Variants in ME3 observed in about 807,000 individuals in gnomAD.
ME3 encodes the protein NADP-dependent malic enzyme, mitochondrial.
Under a neutral mutation model 68.9 loss-of-function variants are expected in ME3, and 48 were observed. The ratio of observed to expected loss-of-function variants is 0.70; its 90% CI spans 0.55 to 0.89. The LOEUF is 0.89. Among genes scored for constraint, ME3 ranks in the 40% least tolerant of loss-of-function variants. The pLI, the probability that ME3 is intolerant of heterozygous loss-of-function variation, is 0.00. For missense variants in ME3, 675 were observed against 797.4 expected, an observed-to-expected ratio of 0.85 and a Z score of 1.85; for synonymous variants, 320 against 318.8, an observed-to-expected ratio of 1.00 and a Z score of -0.04.
intron 8 of ME3, among the ~76,000 whole-genome samples, 197 bp downstream of exon 8, chr11:86,464,894 A>G (rs79192839): frequency 0.035 from 5,370 of 152,342 alleles, 207 homozygotes; most frequent in African/African-American, 0.098. Context: ...TTCATTTTGT[A>G]GAAAAGGAAA....
At chr11:86,529,222 C>T (rs1955012459) in intron 4 of ME3, among the ~76,000 whole-genome samples, 1 of 152,148 alleles carries the variant, frequency 6.6e-6, no homozygotes, top group Non-Finnish European at 1.5e-5. Context: ...GAGAATACTA[C>T]AAACACCTCT....
intron 2 of ME3, among the ~76,000 whole-genome samples, chr11:86,599,823 A>C (rs890651996): frequency 1.3e-5 from 2 of 152,200 alleles, no homozygotes; most frequent in Non-Finnish European, 2.9e-5. Flanking sequence ...AAGAATTTTC[A>C]ACCCAGAATT....
intron 2 of ME3, among the ~76,000 whole-genome samples, chr11:86,630,388 T>A (rs181285216): frequency 6.6e-6 from 1 of 152,198 alleles, no homozygotes; most frequent in East Asian, 1.9e-4. Flanking sequence ...CCTGAGTGGG[T>A]TTGGTCTCCA....
intron 2 of ME3, among the ~76,000 whole-genome samples, chr11:86,647,567 A>G (rs1013323903): frequency 6.6e-6 from 1 of 152,170 alleles, no homozygotes; most frequent in Non-Finnish European, 1.5e-5. Context: ...AAGATTTACC[A>G]AGCAAATGGA....
chr11:86,588,838 C>T (rs1033755218), intron 2 of ME3, among the ~76,000 whole-genome samples: 2 of 152,300 alleles, frequency 1.3e-5, no homozygotes, highest in African/African-American at 4.8e-5. Flanking sequence ...TCTCTGGGCA[C>T]AATGCCTTTC....
In ME3 at chr11:86,559,685, C is replaced by G. The variant is rs1254119100; in HGVS notation, c.317+5G>C. On this transcript the variant is annotated splice_donor_5th_base_variant and intron_variant, in intron 3 of 14. Transcript: ENST00000543262. The stretch of plus-strand genomic sequence containing the variant: ...AGACAGAGAGAACAGACACTAGGTA[C>G]TGACTTGTCCAGGTCACTCTGCTGC... The G allele has an allele frequency of 6.2e-7, 1 of 1,612,044 alleles. No individual in the cohort carries two copies. Among genetic ancestry groups the G allele is most frequent in the Non-Finnish European group, 8.5e-7 (1 of 1,178,788 alleles).
chr11:86,493,457 G>A (rs1227307520), intron 6 of ME3, among the ~76,000 whole-genome samples: 1 of 152,330 alleles, frequency 6.6e-6, no homozygotes, highest in East Asian at 1.9e-4. Flanking sequence ...ATAACCACTG[G>A]GTTTCGAGTC....
At chr11:86,646,705 A>G (rs1945040174) in intron 2 of ME3, among the ~76,000 whole-genome samples, 1 of 152,148 alleles carries the variant, frequency 6.6e-6, no homozygotes, top group Admixed American at 6.5e-5. Flanking sequence ...CAGAGAACAA[A>G]ACTAAGATAA....
At chr11:86,457,837 C>CT in intron 8 of ME3, 6 of 1,221,500 alleles carry the variant, frequency 4.9e-6, no homozygotes, top group Non-Finnish European at 6.3e-6. Flanking sequence ...AAACTGAGTA[C>CT]TTGAGGTTGT....
rs546252255 is a variant in ME3 at position 86,557,866 on chromosome 11, G to A, written c.318-1164C>T. Among the ~76,000 whole-genome samples the A allele has an allele frequency of 3.9e-5, 6 of 152,146 alleles. No homozygotes were observed. The South Asian group carries it at 6.2e-4, about 16-fold the overall frequency. On this transcript the variant is annotated intron_variant, in intron 3 of 14. Coordinates refer to ENST00000543262, the Ensembl canonical transcript of ME3. Reference sequence around the variant, plus strand: ...TACAAGTATTTACACTATGGAATCCGGCAGATTCCATAATTTCCTATCCCG... The same window carrying A: ...TACAAGTATTTACACTATGGAATCCAGCAGATTCCATAATTTCCTATCCCG...
chr11:86,618,163 G>A (rs1319132225), intron 2 of ME3, among the ~76,000 whole-genome samples: 4 of 151,786 alleles, frequency 2.6e-5, no homozygotes, highest in African/African-American at 9.7e-5. Context: ...TGCTGGGCAT[G>A]GTGGCACGCA....
At position 86,447,100 on chromosome 11, in the gene ME3, C is replaced by T. The variant is rs866075900; in HGVS notation, c.1345G>A (p.Glu449Lys). The T allele has an allele frequency of 6.8e-6, 11 of 1,614,082 alleles. No homozygotes were observed. The highest frequency in any genetic ancestry group is 6.7e-5 in the African/African-American group (5 of 74,954). ...CGGTAGCACTTCTCAGCCGTGCACT[C>T]GGCCTTGCTGGTGGGGTTGCTCAGG... Residue 449 changes from glutamate (E) to lysine (K), a missense_variant, in exon 12 of 15, where the codon GAG becomes AAG. By Grantham distance (56) the Glu-to-Lys change is moderately conservative. Transcript: ENST00000543262.
chr11:86,447,872 AAAAG>A (rs2138610030), intron 11 of ME3, among the ~76,000 whole-genome samples: 1 of 136,650 alleles, frequency 7.3e-6, no homozygotes, highest in East Asian at 2.1e-4. Context: ...AAAAAAAAAA[AAAAG>A]ACAGAGAGAA....
intron 2 of ME3, among the ~76,000 whole-genome samples, chr11:86,599,184 A>C (rs1960136770): frequency 6.6e-6 from 1 of 152,236 alleles, no homozygotes; most frequent in African/African-American, 2.4e-5. Context: ...ACCAAAGGCA[A>C]AGAAGTTGAA....
At chr11:86,648,342 T>C (rs1264435516) in intron 2 of ME3, among the ~76,000 whole-genome samples, 2 of 152,150 alleles carry the variant, frequency 1.3e-5, no homozygotes, top group African/African-American at 4.8e-5. Context: ...AGAGGAAAAT[T>C]TGTAGCCCTA....
intron 2 of ME3, among the ~76,000 whole-genome samples, chr11:86,637,784 G>C (rs1027771825): frequency 6.6e-6 from 1 of 152,130 alleles, no homozygotes; most frequent in Admixed American, 6.5e-5. Flanking sequence ...GGGAGTAGGA[G>C]AAATTGGAGA....
chr11:86,501,175 T>TATAATAATAATAATAATAATAATAATA (rs5793199), intron 5 of ME3, among the ~76,000 whole-genome samples: 365 of 147,180 alleles, frequency 2.5e-3, no homozygotes, highest in Middle Eastern at 7.1e-3. Context: ...ATAAAATGCA[T>TATAATAATAATAATAATAATAATAATA]ATAATAATAA....
chr11:86,449,775 C>G, intron 10 of ME3, 114 bp downstream of exon 10: 1 of 728,152 alleles, frequency 1.4e-6, no homozygotes. Context: ...GGCCATTGCC[C>G]TCATTTTGCT....
At chr11:86,442,990 C>T (rs930532321) in intron 13 of ME3, 71 bp from the exon 14 acceptor site, 3 of 1,220,720 alleles carry the variant, frequency 2.5e-6, no homozygotes, top group African/African-American at 3.0e-5. Context: ...CAACCCGTTA[C>T]CCCAGAGACT....
Sources: gnomAD v4.1 joint callset for allele counts (sites outside exome capture counted in the v4.1 genomes callset) on GRCh38, gnomAD v4.1.1 for gene constraint, MANE v1.5 for transcripts, NCBI Gene and HGNC (gene_info 2026-07-23, HGNC 2026-07-21) for gene names.